SLC1A1: variants seen among roughly 807,000 people sequenced by gnomAD.
SLC1A1 encodes solute carrier family 1 member 1, also known as excitatory amino acid transporter 3.
A neutral mutation model predicts 53.3 loss-of-function variants in SLC1A1; 43 were observed. The observed-to-expected ratio is 0.81, with a 90% confidence interval of 0.63 to 1.04. The LOEUF (loss-of-function observed/expected upper bound fraction) is 1.04. SLC1A1 is among the 50% of genes least tolerant of loss of function. The pLI, the probability that SLC1A1 is intolerant of heterozygous loss-of-function variation, is 0.00. For missense variants in SLC1A1, 748 were observed against 664.9 expected, an observed-to-expected ratio of 1.12 and a Z score of -1.37; for synonymous variants, 307 against 243.2, an observed-to-expected ratio of 1.26 and a Z score of -2.44.
At chr9:4,491,306 A>T (rs1820229384) in intron 1 of SLC1A1, among the ~76,000 whole-genome samples, 1 of 152,146 alleles carries the variant, frequency 6.6e-6, no homozygotes, top group African/African-American at 2.4e-5. Flanking sequence ...CAGTGCGTGG[A>T]AAGGTGCCTT....
chr9:4,548,271 G>A (rs907638226), intron 2 of SLC1A1, among the ~76,000 whole-genome samples: 3 of 152,204 alleles, frequency 2.0e-5, no homozygotes, highest in Admixed American at 1.3e-4. Flanking sequence ...GAAGATGGCC[G>A]TGGAAAACAC....
chr9:4,572,160 A>G, intron 6 of SLC1A1, 44 bp from the exon 7 acceptor site: 1 of 1,533,194 alleles, frequency 6.5e-7, no homozygotes, highest in South Asian at 1.1e-5. Flanking sequence ...TTCTAACAAG[A>G]TTATAATCGT....
chr9:4,498,782 A>G (rs72687845), intron 1 of SLC1A1, among the ~76,000 whole-genome samples: 5,064 of 150,866 alleles, frequency 0.034, 135 homozygotes, highest in South Asian at 0.06. Flanking sequence ...GGGAGTTGCT[A>G]GTGAGTTAAG....
intron 1 of SLC1A1, among the ~76,000 whole-genome samples, chr9:4,531,371 T>C (rs893860977): frequency 6.6e-6 from 1 of 152,198 alleles, no homozygotes; most frequent in African/African-American, 2.4e-5. Flanking sequence ...TATTGCACTT[T>C]TCCAACGGTC....
chr9:4,551,782 A>G (rs1031549418), intron 2 of SLC1A1, among the ~76,000 whole-genome samples: 22 of 152,214 alleles, frequency 1.4e-4, no homozygotes, highest in African/African-American at 5.1e-4. Context: ...TGGGCTCTTC[A>G]TGCACTTTAA....
intron 1 of SLC1A1, among the ~76,000 whole-genome samples, chr9:4,491,132 A>G (rs1018269820): frequency 1.3e-5 from 2 of 151,996 alleles, no homozygotes; most frequent in Non-Finnish European, 2.9e-5. Flanking sequence ...ATCTCCCCCT[A>G]TCACCGCCAC....
At chr9:4,550,014 T>C (rs919774600) in intron 2 of SLC1A1, among the ~76,000 whole-genome samples, 5 of 152,136 alleles carry the variant, frequency 3.3e-5, no homozygotes, top group Non-Finnish European at 5.9e-5. Flanking sequence ...TGCAGCTCAG[T>C]GGATGTCAAG....
chr9:4,559,290 T>C (rs1217371104), intron 2 of SLC1A1, among the ~76,000 whole-genome samples: 2 of 152,186 alleles, frequency 1.3e-5, no homozygotes, highest in Non-Finnish European at 2.9e-5. Flanking sequence ...GCCCATTATA[T>C]GGCAATTGCA....
chr9:4,571,162 A>G lies in SLC1A1; in HGVS notation c.583-1042A>G, dbSNP rs147263516. ...AACCAAATACTGCCTGTTCTTTCTTATAAGTGGGAGCTAAATGATGAGAAC... is the reference window on the plus strand; with the variant it reads ...AACCAAATACTGCCTGTTCTTTCTTGTAAGTGGGAGCTAAATGATGAGAAC... On this transcript the variant is annotated intron_variant, in intron 6 of 11. Transcript: ENST00000262352. Among the ~76,000 whole-genome samples the G allele has an allele frequency of 7.9e-3, 1,202 of 152,278 alleles. 10 individuals are homozygous for G. Among genetic ancestry groups the G allele is most frequent in the African/African-American group, 0.027 (1,104 of 41,546 alleles).
intron 1 of SLC1A1, among the ~76,000 whole-genome samples, chr9:4,514,810 CAGAA>C (rs1367621509): frequency 1.3e-5 from 2 of 152,124 alleles, no homozygotes; most frequent in Non-Finnish European, 2.9e-5. Context: ...AGATTGTATG[CAGAA>C]AGAGTTTTAG....
At chr9:4,497,191 G>A (rs1820461841) in intron 1 of SLC1A1, among the ~76,000 whole-genome samples, 1 of 152,124 alleles carries the variant, frequency 6.6e-6, no homozygotes, top group South Asian at 2.1e-4. Context: ...TGTTCTGAGT[G>A]CTATATAGGT....
intron 10 of SLC1A1, among the ~76,000 whole-genome samples, chr9:4,580,651 G>GTGTA (rs370378540): frequency 0.06 from 7,137 of 118,642 alleles, 458 homozygotes; most frequent in Admixed American, 0.072. Context: ...GTGTGTGTGT[G>GTGTA]TATAAGGAAT....
At chr9:4,560,372 G>A (rs571727659) in intron 2 of SLC1A1, among the ~76,000 whole-genome samples, 2 of 152,134 alleles carry the variant, frequency 1.3e-5, no homozygotes, top group African/African-American at 4.8e-5. Context: ...TTATCCTCAG[G>A]GTGAGTTTGT....
intron 6 of SLC1A1, 26 bp from the exon 7 acceptor site, chr9:4,572,178 T>C (rs759538509): frequency 1.9e-6 from 3 of 1,594,980 alleles, no homozygotes; most frequent in African/African-American, 2.7e-5. Context: ...CGTGCATCAA[T>C]ATGTTTTCTT....
rs1820590617 is a variant in SLC1A1, at chr9:4,576,826, T to G, written c.1193+63T>G. The G allele has an allele frequency of 1.1e-5, 16 of 1,439,914 alleles. No individual in the cohort carries two copies. In the East Asian group the frequency reaches 3.6e-4, roughly 33 times the overall value. The allele number at this position is 1,439,914 out of a possible 1,614,324, so 89.2% of individuals were successfully genotyped here. A position where few individuals can be genotyped will look rare whatever the true frequency, so the allele number is the denominator to read the frequency against. The stretch of plus-strand genomic sequence containing the variant: ...CAGGGATTACCGCCAGTAAAAATTG[T>G]CCATGAAGGGACACCAAGAATGTCG... On this transcript the variant is annotated intron_variant, in intron 10 of 11. Transcript: ENST00000262352.
intron 7 of SLC1A1, among the ~76,000 whole-genome samples, chr9:4,572,719 T>C (rs905277296): frequency 3.9e-5 from 6 of 152,142 alleles, no homozygotes; most frequent in Admixed American, 3.3e-4. Context: ...AGCTATTTTT[T>C]TGTATTTTTT....
At chr9:4,528,962 C>A (rs1349184701) in intron 1 of SLC1A1, among the ~76,000 whole-genome samples, 3 of 152,090 alleles carry the variant, frequency 2.0e-5, no homozygotes, top group Admixed American at 6.5e-5. Context: ...GTAGGTATCA[C>A]CATCCACCCT....
intron 1 of SLC1A1, among the ~76,000 whole-genome samples, chr9:4,529,859 A>G (rs985798689): frequency 6.6e-6 from 1 of 152,146 alleles, no homozygotes; most frequent in African/African-American, 2.4e-5. Context: ...CTTCACCACA[A>G]TAGTGTCCTT....
chr9:4,497,796 C>T (rs968969168), intron 1 of SLC1A1, among the ~76,000 whole-genome samples: 8 of 152,146 alleles, frequency 5.3e-5, no homozygotes, highest in Non-Finnish European at 1.2e-4. Flanking sequence ...GAGACTGACT[C>T]TTAACTGTTT....
Sources: allele counts gnomAD v4.1 joint callset (sites outside exome capture counted in the v4.1 genomes callset), GRCh38; gene constraint gnomAD v4.1.1; transcripts MANE v1.5; gene names NCBI Gene and HGNC (gene_info 2026-07-23, HGNC 2026-07-21).